LIFR: variants seen among roughly 807,000 people sequenced by gnomAD.
LIFR encodes leukemia inhibitory factor receptor.
A neutral mutation model predicts 122.2 loss-of-function variants in LIFR; 84 were observed. The observed-to-expected ratio is 0.69, with a 90% CI of 0.58 to 0.82. The LOEUF (loss-of-function observed/expected upper bound fraction) is 0.82. Among genes scored for constraint, LIFR ranks in the 40% least tolerant of loss-of-function variants. The pLI, the probability that LIFR is intolerant of heterozygous loss-of-function variation, is 0.00. For missense variants in LIFR, 1,294 were observed against 1,311.6 expected, an observed-to-expected ratio of 0.99 and a Z score of 0.21; for synonymous variants, 422 against 434.7, an observed-to-expected ratio of 0.97 and a Z score of 0.36.
chr5:38,494,160 A>G (rs947757325), intron 13 of LIFR, among the ~76,000 whole-genome samples: 19 of 152,166 alleles, frequency 1.2e-4, no homozygotes, highest in Non-Finnish European at 2.1e-4. Flanking sequence ...GACAGTCTGA[A>G]GCCCTCCTCT....
At chr5:38,583,329 C>T (rs1444130132) in intron 1 of LIFR, among the ~76,000 whole-genome samples, 1 of 152,178 alleles carries the variant, frequency 6.6e-6, no homozygotes, top group Non-Finnish European at 1.5e-5. Flanking sequence ...TAGATTTTCA[C>T]TTTCATATAT....
At chr5:38,525,833 C>T (rs1331296411) in intron 4 of LIFR, among the ~76,000 whole-genome samples, 2 of 152,184 alleles carry the variant, frequency 1.3e-5, no homozygotes, top group Non-Finnish European at 2.9e-5. Context: ...TTCAGGATGT[C>T]ACATGATGTA....
At position 38,481,316 on chromosome 5, in the gene LIFR, G is replaced by C. The variant is rs942602060; in HGVS notation, c.*279C>G. ...GTACGTACAAGTAGGTATTAGCCTT[G>C]AAATGCTTCTTGAAGGTAGAGTACA... On this transcript the variant is annotated 3_prime_UTR_variant, in exon 20 of 20. Coordinates refer to ENST00000453190, the MANE Select transcript of LIFR (RefSeq NM_001127671.2). 2.0e-6 allele frequency: 1 copy of C among 505,062 alleles called. No homozygotes were observed. Among genetic ancestry groups the C allele is most frequent in the Non-Finnish European group, 3.6e-6 (1 of 279,124 alleles). 31.3% of individuals were successfully genotyped at this position (505,062 alleles called of 1,614,324 possible). A position where few individuals can be genotyped will look rare whatever the true frequency, so the allele number is the denominator to read the frequency against.
chr5:38,570,553 C>T (rs183391041), intron 1 of LIFR, among the ~76,000 whole-genome samples: 2 of 152,134 alleles, frequency 1.3e-5, no homozygotes, highest in East Asian at 3.9e-4. Flanking sequence ...GAACATTATG[C>T]ACTTTCCCGG....
chr5:38,482,215 T>A lies in LIFR; in HGVS notation c.2674A>T (p.Ser892Cys). The A allele has an allele frequency of 6.2e-7, 1 of 1,604,592 alleles. No homozygotes were observed. The highest frequency in any genetic ancestry group is 8.5e-7 in the Non-Finnish European group (1 of 1,177,590). The change falls in exon 20 of 20, where the codon AGC (serine) becomes TGC (cysteine). Residue 892 changes from serine (S) to cysteine (C), a missense_variant. Transcript: ENST00000453190. ...LQFQKSVCEGSSALKTLEMNP... is the reference protein window; with the variant it reads ...LQFQKSVCEGCSALKTLEMNP... ...ATTTCCAATGTTTTAAGAGCACTGCTTCCCTAGAAATAAATTTAAACACAG... is the reference window on the plus strand; with the variant it reads ...ATTTCCAATGTTTTAAGAGCACTGCATCCCTAGAAATAAATTTAAACACAG...
chr5:38,560,829 C>T (rs1325425833), upstream of LIFR, among the ~76,000 whole-genome samples: 3 of 152,028 alleles, frequency 2.0e-5, no homozygotes, highest in African/African-American at 7.3e-5. Flanking sequence ...AACTCCTGAC[C>T]TCATAATCCA....
intron 7 of LIFR, 146 bp from the exon 8 acceptor site, chr5:38,506,778 A>C: frequency 1.4e-6 from 1 of 699,834 alleles, no homozygotes; most frequent in Non-Finnish European, 2.4e-6. Context: ...TGCAGGAATT[A>C]TTCTCTCTGT....
At chr5:38,514,952 C>T (rs1260612717) in intron 5 of LIFR, among the ~76,000 whole-genome samples, 1 of 152,074 alleles carries the variant, frequency 6.6e-6, no homozygotes, top group Non-Finnish European at 1.5e-5. Flanking sequence ...GAAGCAATCC[C>T]CCAAAAGATA....
chr5:38,482,126 T>A lies in LIFR; in HGVS notation c.2763A>T (p.Glu921Asp). The A allele has an allele frequency of 6.3e-7, 1 of 1,584,910 alleles. No homozygotes were observed. The highest frequency in any genetic ancestry group is 2.2e-5 in the East Asian group (1 of 44,756). Residue 921 changes from glutamate (E) to aspartate (D), a missense_variant, in exon 20 of 20, where the codon GAA becomes GAT. Glu to Asp is a conservative substitution (Grantham distance 45, BLOSUM62 2). Transcript: ENST00000453190. ...LETRSAFPKI[E>D]DTEIISPVAE... ...CTACTGGGGAAATTATTTCTGTATC[T>A]TCTATTTTAGGAAATGCTGATCGAG... is the stretch of plus-strand genomic sequence containing the variant.
upstream of LIFR, among the ~76,000 whole-genome samples, chr5:38,600,166 AC>A (rs1750196615): frequency 2.0e-5 from 3 of 151,960 alleles, no homozygotes. Context: ...TGACCTGGAA[AC>A]CCCCTGCTTC....
intron 1 of LIFR, among the ~76,000 whole-genome samples, chr5:38,571,418 C>T (rs1433751723): frequency 6.8e-6 from 1 of 147,506 alleles, no homozygotes; most frequent in Admixed American, 6.9e-5. Flanking sequence ...AGTTGGGGGT[C>T]GTGGTGGGTG....
rs1465448510 is a variant in LIFR, at chr5:38,476,574, T to C, written c.*5021A>G. Reference sequence around the variant, plus strand: ...CTACTGTAAAGGCAATCTTAGAAGATGCATGTAAATATAATATAAATCAAC... The same window carrying C: ...CTACTGTAAAGGCAATCTTAGAAGACGCATGTAAATATAATATAAATCAAC... On this transcript the variant is annotated 3_prime_UTR_variant, in exon 20 of 20. Transcript: ENST00000453190. The C allele has an allele frequency of 4.9e-6, 1 of 205,174 alleles. No individual in the cohort carries two copies. The highest frequency in any genetic ancestry group is 6.0e-5 in the Admixed American group (1 of 16,706). 12.7% of individuals were successfully genotyped at this position (205,174 alleles called of 1,614,324 possible).
Position 38,482,014 on chromosome 5 carries a change from G to T in LIFR, c.2875C>A (p.Pro959Thr), listed in dbSNP as rs774998696. 7.4e-6 allele frequency: 12 copies of T among 1,613,972 alleles called. No homozygotes were observed. The Admixed American group carries it at 1.2e-4, about 16-fold the overall frequency. Residue 959 changes from proline to threonine, a missense_variant, in exon 20 of 20, where the codon CCA becomes ACA. Transcript: ENST00000453190. ...CCAGCTTCATCTGCGGCTGGGTTTG[G>T]TATTTCTTCCTCAATGATGGGTGGA... Reference protein sequence around the residue: ...YCPPIIEEEIPNPAADEAGGT... With the variant: ...YCPPIIEEEITNPAADEAGGT...
intron 2 of LIFR, among the ~76,000 whole-genome samples, chr5:38,603,442 A>G (rs1580255569): frequency 2.0e-5 from 3 of 152,242 alleles, no homozygotes; most frequent in Non-Finnish European, 4.4e-5. Context: ...AAAACTGCAT[A>G]TTCACATTAC....
chr5:38,489,012 T>A, intron 16 of LIFR, 66 bp downstream of exon 16: 1 of 1,398,508 alleles, frequency 7.2e-7, no homozygotes, highest in Non-Finnish European at 1.0e-6. Flanking sequence ...GACTTTCCTT[T>A]TTTTTCTGTT....
chr5:38,579,429 A>G (rs1359945163), intron 1 of LIFR: 3 of 152,140 alleles, frequency 2.0e-5, no homozygotes, highest in Non-Finnish European at 4.4e-5. Flanking sequence ...CATTTCATAA[A>G]GTAGGTCAAA....
intron 1 of LIFR, among the ~76,000 whole-genome samples, chr5:38,578,510 C>T (rs780636591): frequency 2.6e-5 from 4 of 151,562 alleles, no homozygotes; most frequent in Non-Finnish European, 4.4e-5. Flanking sequence ...CCAACCAAGA[C>T]TACTCATTTT....
At chr5:38,518,402 C>T (rs772923671) in intron 5 of LIFR, among the ~76,000 whole-genome samples, 1 of 151,978 alleles carries the variant, frequency 6.6e-6, no homozygotes, top group Non-Finnish European at 1.5e-5. Context: ...TAAAAAGAAT[C>T]AAGGTATACA....
chr5:38,583,470 A>G (rs1580229189), intron 1 of LIFR, among the ~76,000 whole-genome samples: 1 of 152,186 alleles, frequency 6.6e-6, no homozygotes, highest in Admixed American at 6.5e-5. Context: ...AACAAACTAT[A>G]AAGCTTCTGC....
Sources: allele counts gnomAD v4.1 joint callset (sites outside exome capture counted in the v4.1 genomes callset), GRCh38; gene constraint gnomAD v4.1.1; transcripts MANE v1.5; gene names NCBI Gene and HGNC (gene_info 2026-07-23, HGNC 2026-07-21).